MYOF: variants seen among roughly 807,000 people sequenced by gnomAD.
The protein encoded by MYOF is fer-1-like 3, myoferlin.
Under a neutral mutation model 284.2 loss-of-function variants are expected in MYOF, and 244 were observed. The ratio of observed to expected loss-of-function variants is 0.86; its 90% CI spans 0.77 to 0.95. The LOEUF (loss-of-function observed/expected upper bound fraction) is 0.95. Ranked by LOEUF, MYOF falls within the 40% of genes least tolerant of loss-of-function variation. MYOF has a pLI of 0.00. For missense variants in MYOF, 2,496 were observed against 2,560.6 expected, an observed-to-expected ratio of 0.97 and a Z score of 0.54; for synonymous variants, 904 against 919.7, an observed-to-expected ratio of 0.98 and a Z score of 0.31.
At chr10:93,327,195 T>C (rs1000840695) in intron 45 of MYOF, among the ~76,000 whole-genome samples, 5 of 151,948 alleles carry the variant, frequency 3.3e-5, no homozygotes, top group Non-Finnish European at 5.9e-5. Context: ...GTGTAGGTGC[T>C]CTGGTCATCA....
At chr10:93,314,271 T>C (rs1425485885) in intron 50 of MYOF, among the ~76,000 whole-genome samples, 1 of 152,192 alleles carries the variant, frequency 6.6e-6, no homozygotes, top group Admixed American at 6.5e-5. Context: ...GTATTTTTAG[T>C]GGAGACAGGG....
intron 1 of MYOF, among the ~76,000 whole-genome samples, chr10:93,471,491 A>G (rs1564744030): frequency 6.6e-6 from 1 of 152,180 alleles, no homozygotes; most frequent in African/African-American, 2.4e-5. Flanking sequence ...TGCTGAGCTC[A>G]GTGAAGACGC....
chr10:93,324,809 T>G (rs1026919584), intron 46 of MYOF, among the ~76,000 whole-genome samples: 6 of 152,108 alleles, frequency 3.9e-5, no homozygotes, highest in Non-Finnish European at 7.4e-5. Context: ...AGACAGAGTC[T>G]GGCTCTGTCA....
rs1330628264 is a variant in MYOF at position 93,323,183 on chromosome 10, G to A, written c.5361-10C>T. ...CACACGCAGGTAGTATCTGCAAGAA[G>A]CACAGTTGGAAGGTACTTTTTTTTC... On this transcript the variant is annotated splice_polypyrimidine_tract_variant and intron_variant, in intron 47 of 53. Transcript: ENST00000359263. 1 of 1,613,974 alleles carries A rather than the reference G, an allele frequency of 6.2e-7. No homozygotes were observed. Among genetic ancestry groups the A allele is most frequent in the South Asian group, 1.1e-5 (1 of 91,080 alleles).
Position 93,328,461 on chromosome 10 carries a change from T to C in MYOF, c.5131+302A>G, listed in dbSNP as rs1214430843. Among the ~76,000 whole-genome samples the C allele has an allele frequency of 2.0e-5, 3 of 152,234 alleles. No individual in the cohort carries two copies. The East Asian group carries it at 5.8e-4, about 29-fold the overall frequency. ...CCTGGAAGGGAAATTCCTGCACTAC[T>C]GTATGGGCATTTTTTTAGCTAATTA... On this transcript the variant is annotated intron_variant, in intron 45 of 53. Coordinates refer to ENST00000359263, the MANE Select transcript of MYOF (RefSeq NM_013451.4).
In MYOF at chr10:93,411,445, A is replaced by G. The variant is rs960525976; in HGVS notation, c.434-1706T>C. Among the ~76,000 whole-genome samples, 5 of 152,210 alleles carry G rather than the reference A, an allele frequency of 3.3e-5. 1 individual carries two copies. In the South Asian group the frequency reaches 1.0e-3, roughly 31 times the overall value. ...CCCCGTGACCTAATCACCTCCCTAA[A>G]GGCCTCACTGCCTAATATCATCACG... On this transcript the variant is annotated intron_variant, in intron 5 of 53. Coordinates refer to ENST00000359263, the MANE Select transcript of MYOF (RefSeq NM_013451.4).
At chr10:93,358,456 C>A (rs1449570734) in intron 29 of MYOF, among the ~76,000 whole-genome samples, 2 of 152,174 alleles carry the variant, frequency 1.3e-5, no homozygotes, top group Non-Finnish European at 2.9e-5. Context: ...TGGGTATATA[C>A]CCAGAGGAAT....
chr10:93,387,682 A>G, intron 19 of MYOF, 115 bp downstream of exon 19: 1 of 786,726 alleles, frequency 1.3e-6, no homozygotes, highest in Non-Finnish European at 2.2e-6. Context: ...TTGTAGAAAC[A>G]TCCAGATGAG....
intron 31 of MYOF, 134 bp downstream of exon 31, chr10:93,355,491 CAGG>C: frequency 1.8e-6 from 1 of 559,118 alleles, no homozygotes; most frequent in Non-Finnish European, 3.1e-6. Flanking sequence ...GAGGCTGAGG[CAGG>C]AGAATTGCTT....
intron 39 of MYOF, among the ~76,000 whole-genome samples, chr10:93,339,367 T>TTGTGTGTGTGTGTGTGTGTGTGTGTGTG (rs35070199): frequency 6.7e-6 from 1 of 150,226 alleles, no homozygotes; most frequent in Admixed American, 6.6e-5. Context: ...TGCTTCTTAT[T>TTGTGTGTGTGTGTGTGTGTGTGTGTGTG]TGTGTGTGTG....
chr10:93,413,758 G>A (rs1848001357), intron 5 of MYOF, among the ~76,000 whole-genome samples: 1 of 152,204 alleles, frequency 6.6e-6, no homozygotes, highest in African/African-American at 2.4e-5. Context: ...GGAGGCCGAA[G>A]CAGGAGGATC....
At chr10:93,319,271 T>G (rs1589380345) in intron 49 of MYOF, among the ~76,000 whole-genome samples, 1 of 152,152 alleles carries the variant, frequency 6.6e-6, no homozygotes, top group East Asian at 1.9e-4. Context: ...AACCAATTTC[T>G]AAAGTCATTA....
At position 93,310,170 on chromosome 10, in the gene MYOF, G is replaced by C. The variant is rs763077174; in HGVS notation, c.6000-3C>G. The stretch of plus-strand genomic sequence containing the variant: ...AGAGGAAGGAGGTTTCTGGTCGACT[G>C]CATTGCAAAGAAACAGTATCACCTA... On this transcript the variant is annotated splice_polypyrimidine_tract_variant and splice_region_variant and intron_variant, in intron 52 of 53. Transcript: ENST00000359263. 1 of 1,613,862 alleles carries C rather than the reference G, an allele frequency of 6.2e-7. No individual in the cohort carries two copies. The highest frequency in any genetic ancestry group is 1.7e-5 in the Admixed American group (1 of 60,020).
At position 93,364,082 on chromosome 10, in the gene MYOF, G is replaced by A; in HGVS notation, c.2754-7C>T. 1 of 1,612,888 alleles carries A rather than the reference G, an allele frequency of 6.2e-7. No individual in the cohort carries two copies. The stretch of plus-strand genomic sequence containing the variant: ...ATCTGCCTCAGTCAGCAAGCTGTGG[G>A]GCGGGGAGGGCTCAAGTTACCCAAG... On this transcript the variant is annotated splice_polypyrimidine_tract_variant and splice_region_variant and intron_variant, in intron 26 of 53. Coordinates refer to ENST00000359263, the MANE Select transcript of MYOF (RefSeq NM_013451.4).
chr10:93,385,817 A>C (rs1846334923), intron 19 of MYOF, among the ~76,000 whole-genome samples: 2 of 150,206 alleles, frequency 1.3e-5, no homozygotes, highest in African/African-American at 4.9e-5. Context: ...CTGTTGACAT[A>C]TACTGTGGGC....
rs369666025 is a variant in MYOF, at chr10:93,328,854, G to A, written c.5040C>T (p.Val1680=). 195 of 1,613,648 alleles carry A rather than the reference G, an allele frequency of 1.2e-4. No individual in the cohort carries two copies. The highest frequency in any genetic ancestry group is 3.3e-4 in the Middle Eastern group (2 of 6,072). Residue 1680 remains valine (V), a synonymous_variant, in exon 45 of 54, where the codon GTC becomes GTT. Transcript: ENST00000359263. ...GTTGTGGGAAGCCTTTGAATCTGGC[G>A]ACATTTTGAAGCAGCTGTGTTGGTC... The part of the protein sequence containing the change: ...QLRPTQLLQN[V]ARFKGFPQPI...
At chr10:93,353,497 A>C (rs532296230) in intron 32 of MYOF, among the ~76,000 whole-genome samples, 1 of 152,306 alleles carries the variant, frequency 6.6e-6, no homozygotes, top group South Asian at 2.1e-4. Flanking sequence ...CTGAGGGTCC[A>C]GGGATGAAAA....
chr10:93,446,999 G>A (rs1410616341), intron 3 of MYOF, among the ~76,000 whole-genome samples: 1 of 152,124 alleles, frequency 6.6e-6, no homozygotes, highest in Non-Finnish European at 1.5e-5. Flanking sequence ...TCACAGGCAT[G>A]AGCCACCACA....
At chr10:93,358,176 T>A (rs1322523033) in intron 29 of MYOF, among the ~76,000 whole-genome samples, 1 of 152,136 alleles carries the variant, frequency 6.6e-6, no homozygotes, top group Admixed American at 6.5e-5. Context: ...AAGACATTTA[T>A]GTGGCCAAAA....
Sources: allele counts gnomAD v4.1 joint callset (sites outside exome capture counted in the v4.1 genomes callset), GRCh38; gene constraint gnomAD v4.1.1; transcripts MANE v1.5; gene names NCBI Gene and HGNC (gene_info 2026-07-23, HGNC 2026-07-21).